The following GTF2IRD1 variants were observed in gnomAD, a reference collection of about 807,000 sequenced individuals.
The protein encoded by GTF2IRD1 is GTF2I repeat domain containing 1.
GTF2IRD1 carries 26 observed loss-of-function variants against 113.2 expected under a neutral mutation model. The ratio of observed to expected loss-of-function variants is 0.23; its 90% confidence interval spans 0.17 to 0.32. The LOEUF (loss-of-function observed/expected upper bound fraction) is 0.32. Among genes scored for constraint, GTF2IRD1 ranks in the 10% least tolerant of loss-of-function variants. The pLI is 1.00. For synonymous variants in GTF2IRD1, 484 were observed against 529.1 expected (o/e 0.91, Z 1.17); for missense variants, 864 against 1,280.8 (o/e 0.67, Z 4.97).
rs1292088297 is a variant in GTF2IRD1, at chr7:74,534,988, A to G, written c.1275-125A>G. 6.6e-6 allele frequency: 5 copies of G among 759,092 alleles called. No homozygotes were observed. In the East Asian group the frequency reaches 1.0e-4, roughly 15 times the overall value. 47.0% of individuals were successfully genotyped at this position (759,092 alleles called of 1,614,324 possible). ...CTGCCTGCATGTCTGCCGGATGCCC[A>G]GGTCTGTAGCTGTGCATGTGTCACT... On this transcript the variant is annotated intron_variant, in intron 9 of 26. Transcript: ENST00000424337.
rs1176063748 is a variant in GTF2IRD1, at chr7:74,515,526, C to G, written c.351C>G (p.Ser117=). The G allele has an allele frequency of 4.3e-6, 7 of 1,613,888 alleles. No homozygotes were observed. The highest frequency in any genetic ancestry group is 5.1e-6 in the Non-Finnish European group (6 of 1,179,816). The part of the protein sequence containing the change: ...GEGGGRSLPR[S]SLEHGSDVYL... ...GTGGAGGCCGTAGCCTCCCTCGGTC[C>G]TCCCTGGAACATGGCTCAGATGTGT... The change falls in exon 4 of 27, where the codon TCC becomes TCG. Residue 117 remains serine, a synonymous_variant. Coordinates refer to ENST00000424337, the MANE Select transcript of GTF2IRD1 (RefSeq NM_005685.4).
At chr7:74,557,539 GAGA>G (rs1170783461) in intron 19 of GTF2IRD1, 97 bp from the exon 20 acceptor site, 5 of 742,920 alleles carry the variant, frequency 6.7e-6, no homozygotes, top group Non-Finnish European at 1.1e-5. Flanking sequence ...TTAATTGCCG[GAGA>G]AGGAGTTCCC....
chr7:74,496,609 TATGTGGGTGTGC>T (rs1795743802), intron 1 of GTF2IRD1, among the ~76,000 whole-genome samples: 3 of 145,616 alleles, frequency 2.1e-5, no homozygotes, highest in African/African-American at 5.1e-5. Flanking sequence ...GGTGTGCATG[TATGTGGGTGTGC>T]GTGTGGGTGT....
intron 5 of GTF2IRD1, 107 bp downstream of exon 5, chr7:74,518,429 G>C (rs587664145): frequency 1.2e-6 from 1 of 842,814 alleles, no homozygotes; most frequent in South Asian, 1.9e-5. Flanking sequence ...TGAGATGCCC[G>C]TGGGGGACCC....
chr7:74,484,453 CTT>C lies in GTF2IRD1; in HGVS notation c.-6-23604_-6-23603del, dbSNP rs1173256681. Among the ~76,000 whole-genome samples the C allele has an allele frequency of 5.6e-4, 71 of 126,048 alleles. No individual in the cohort carries two copies. The South Asian group carries it at 0.01, about 18-fold the overall frequency. 82.7% of individuals were successfully genotyped at this position (126,048 alleles called of 152,430 possible). On this transcript the variant is annotated intron_variant, in intron 1 of 26. Transcript: ENST00000424337. The stretch of plus-strand genomic sequence containing the variant: ...TGAGCCACCACACCCGGCCATCCTT[CTT>C]TTTTTTTTTTTTTTTTTGAATTGGA...
At chr7:74,477,254 C>G (rs1777821135) in intron 1 of GTF2IRD1, among the ~76,000 whole-genome samples, 1 of 151,988 alleles carries the variant, frequency 6.6e-6, no homozygotes, top group African/African-American at 2.4e-5. Context: ...ATCCCCGCTA[C>G]TCAAGAGGCT....
intron 1 of GTF2IRD1, among the ~76,000 whole-genome samples, chr7:74,492,461 C>T (rs573234657): frequency 6.6e-6 from 1 of 152,128 alleles, no homozygotes; most frequent in African/African-American, 2.4e-5. Flanking sequence ...TGAGCCACCA[C>T]GCCTGGCCCA....
chr7:74,522,475 G>C (rs958020077), intron 7 of GTF2IRD1, among the ~76,000 whole-genome samples: 1 of 152,170 alleles, frequency 6.6e-6, no homozygotes, highest in Admixed American at 6.5e-5. Flanking sequence ...TAAGGTGGGA[G>C]GATGGCTTGA....
chr7:74,547,873 A>G (rs1222592862), intron 17 of GTF2IRD1, among the ~76,000 whole-genome samples: 3 of 149,822 alleles, frequency 2.0e-5, no homozygotes, highest in Non-Finnish European at 4.4e-5. Flanking sequence ...CCCCTCTCGC[A>G]GTCTCAGGAG....
intron 24 of GTF2IRD1, among the ~76,000 whole-genome samples, chr7:74,591,664 G>C (rs1802072344): frequency 6.6e-6 from 1 of 152,164 alleles, no homozygotes; most frequent in East Asian, 1.9e-4. Context: ...ACAGGCGTGA[G>C]CCACTGCACC....
intron 22 of GTF2IRD1, among the ~76,000 whole-genome samples, chr7:74,563,376 G>A (rs1335414831): frequency 1.3e-5 from 2 of 151,712 alleles, no homozygotes; most frequent in African/African-American, 4.8e-5. Context: ...TCAGGAGTTC[G>A]AGACCAGCCT....
chr7:74,455,827 G>C (rs1418696133), intron 1 of GTF2IRD1, among the ~76,000 whole-genome samples: 3 of 152,152 alleles, frequency 2.0e-5, no homozygotes, highest in African/African-American at 7.2e-5. Flanking sequence ...TTCTAACTCA[G>C]AGGGTCCCAC....
chr7:74,520,089 CAAAAAAAAAAAAAAA>C (rs61019711), intron 6 of GTF2IRD1, among the ~76,000 whole-genome samples: 6 of 24,574 alleles, frequency 2.4e-4, no homozygotes, highest in Admixed American at 7.4e-4. Flanking sequence ...AGCTCTGTCT[CAAAAAAAAAAAAAAA>C]AAAAAAAAAA....
At chr7:74,521,182 C>T (rs941302174) in intron 6 of GTF2IRD1, 26 bp from the exon 7 acceptor site, 1 of 1,434,638 alleles carries the variant, frequency 7.0e-7, no homozygotes, top group Non-Finnish European at 9.8e-7. Context: ...CCACCTGGAA[C>T]CTTCTTCCTT....
chr7:74,534,994 G>A lies in GTF2IRD1; in HGVS notation c.1275-119G>A. On this transcript the variant is annotated intron_variant, in intron 9 of 26. Transcript: ENST00000424337. Reference sequence around the variant, plus strand: ...GCATGTCTGCCGGATGCCCAGGTCTGTAGCTGTGCATGTGTCACTCAGTGA... The same window carrying A: ...GCATGTCTGCCGGATGCCCAGGTCTATAGCTGTGCATGTGTCACTCAGTGA... 5 of 808,058 alleles carry A rather than the reference G, an allele frequency of 6.2e-6. No individual in the cohort carries two copies. In the South Asian group the frequency reaches 7.0e-5, roughly 11 times the overall value. 50.1% of individuals were successfully genotyped at this position (808,058 alleles called of 1,614,324 possible). A position where few individuals can be genotyped will look rare whatever the true frequency, so the allele number is the denominator to read the frequency against.
chr7:74,455,235 G>A (rs1165064394), intron 1 of GTF2IRD1, among the ~76,000 whole-genome samples: 1 of 152,218 alleles, frequency 6.6e-6, no homozygotes, highest in Non-Finnish European at 1.5e-5. Context: ...GATGGAGAAT[G>A]TGCCAAGGGG....
At chr7:74,546,382 C>T (rs1242196461) in intron 16 of GTF2IRD1, among the ~76,000 whole-genome samples, 120 of 152,000 alleles carry the variant, frequency 7.9e-4, no homozygotes, top group African/African-American at 2.8e-3. Flanking sequence ...CCACCATACC[C>T]GGCTAATTTT....
At chr7:74,501,151 C>T (rs1490859455) in intron 1 of GTF2IRD1, among the ~76,000 whole-genome samples, 1 of 152,124 alleles carries the variant, frequency 6.6e-6, no homozygotes, top group Non-Finnish European at 1.5e-5. Flanking sequence ...GGGGTCTCCT[C>T]TTTGCCTCTT....
At chr7:74,601,007 A>G in intron 25 of GTF2IRD1, 37 bp from the exon 26 acceptor site, 1 of 1,612,158 alleles carries the variant, frequency 6.2e-7, no homozygotes, top group East Asian at 2.2e-5. Context: ...GAAAAGCCTC[A>G]GCTTCCAGTG....
Sources: allele counts gnomAD v4.1 joint callset (sites outside exome capture counted in the v4.1 genomes callset), GRCh38; gene constraint gnomAD v4.1.1; transcripts MANE v1.5; gene names NCBI Gene and HGNC (gene_info 2026-07-23, HGNC 2026-07-21).